Variants in KLF17 observed in about 807,000 individuals in gnomAD.
The protein encoded by KLF17 is KLF transcription factor 17.
In KLF17, 31 loss-of-function variants were observed where a neutral mutation model predicts 34.2. The ratio of observed to expected loss-of-function variants is 0.91; its 90% CI spans 0.68 to 1.22. KLF17 has a LOEUF of 1.22. Ranked by LOEUF, KLF17 falls within the 50% of genes most tolerant of loss-of-function variation. The probability of loss-of-function intolerance (pLI) is 0.00; values close to 1 mark genes in which losing one functional copy is unlikely to be tolerated. For synonymous variants in KLF17, 179 were observed against 186.7 expected (o/e 0.96, Z 0.34); for missense variants, 478 against 505.2 (o/e 0.95, Z 0.52).
the KLF17 span, among the ~76,000 whole-genome samples, chr1:44,066,786 A>G: frequency 6.6e-6 from 1 of 152,212 alleles, no homozygotes; most frequent in African/African-American, 2.4e-5. Context: ...TGGTGACTAC[A>G]GAGTGGATAG....
At chr1:44,113,456 A>C in the KLF17 span, among the ~76,000 whole-genome samples, 1 of 152,204 alleles carries the variant, frequency 6.6e-6, no homozygotes, top group Non-Finnish European at 1.5e-5. Flanking sequence ...CTCTGTACTC[A>C]ATCAGTTCTC....
At chr1:44,060,209 C>T in the KLF17 span, among the ~76,000 whole-genome samples, 2 of 152,140 alleles carry the variant, frequency 1.3e-5, no homozygotes, top group Admixed American at 1.3e-4. Context: ...GTGACTCACA[C>T]TTGTAATCCC....
At chr1:44,098,000 A>T in the KLF17 span, among the ~76,000 whole-genome samples, 1 of 152,106 alleles carries the variant, frequency 6.6e-6, no homozygotes, top group Non-Finnish European at 1.5e-5. Flanking sequence ...TTTGAGACAG[A>T]GTCTCACTCT....
the KLF17 span, among the ~76,000 whole-genome samples, chr1:44,072,003 G>T: frequency 6.6e-6 from 1 of 152,008 alleles, no homozygotes; most frequent in Non-Finnish European, 1.5e-5. Context: ...GGGGGGGACG[G>T]GGGGACAATC....
At chr1:44,052,797 A>C in the KLF17 span, among the ~76,000 whole-genome samples, 4 of 152,196 alleles carry the variant, frequency 2.6e-5, no homozygotes, top group African/African-American at 9.7e-5. Flanking sequence ...AGGCAATTGG[A>C]GTAAATTCAA....
chr1:44,125,563 A>G (rs920353914), intron 1 of KLF17, among the ~76,000 whole-genome samples: 12 of 152,008 alleles, frequency 7.9e-5, no homozygotes, highest in African/African-American at 2.7e-4. Context: ...TGTCTCCTGG[A>G]TTCAAGCAAT....
At chr1:44,097,748 G>A in the KLF17 span, among the ~76,000 whole-genome samples, 41 of 152,156 alleles carry the variant, frequency 2.7e-4, no homozygotes, top group African/African-American at 9.4e-4. Flanking sequence ...TACTGGCTAT[G>A]GGTTTGTCAT....
chr1:44,110,065 C>T, the KLF17 span, among the ~76,000 whole-genome samples: 1 of 151,944 alleles, frequency 6.6e-6, no homozygotes, highest in Non-Finnish European at 1.5e-5. Context: ...TGCCACCACG[C>T]CTGGCTAATT....
the KLF17 span, among the ~76,000 whole-genome samples, chr1:44,099,871 AAGAAAGAAAGAAAGAAAGAAAGAAAG>A: frequency 1.5e-5 from 1 of 65,558 alleles, no homozygotes; most frequent in African/African-American, 4.6e-5. Flanking sequence ...GAAAGAAAGA[AAGAAAGAAAGAAAGAAAGAAAGAAAG>A]AAAGAAAGAA....
the KLF17 span, chr1:44,106,572 C>A: frequency 6.6e-6 from 1 of 152,206 alleles, no homozygotes; most frequent in Non-Finnish European, 1.5e-5. Context: ...TATAGAAATT[C>A]TTCCCCAGAT....
At chr1:44,062,902 A>C in the KLF17 span, among the ~76,000 whole-genome samples, 1 of 152,174 alleles carries the variant, frequency 6.6e-6, no homozygotes, top group Non-Finnish European at 1.5e-5. Context: ...CCTCAACAGA[A>C]ATGAGTGCTT....
chr1:44,073,183 A>C, the KLF17 span, among the ~76,000 whole-genome samples: 1 of 150,536 alleles, frequency 6.6e-6, no homozygotes, highest in Non-Finnish European at 1.5e-5. Context: ...AGTTAGGATC[A>C]TGAGAGGTTT....
intron 1 of KLF17, among the ~76,000 whole-genome samples, chr1:44,119,504 A>T (rs1352831088): frequency 6.6e-6 from 1 of 152,138 alleles, no homozygotes; most frequent in African/African-American, 2.4e-5. Flanking sequence ...CATGAAACAG[A>T]TATATATAAA....
At chr1:44,081,334 T>C in the KLF17 span, among the ~76,000 whole-genome samples, 1 of 152,086 alleles carries the variant, frequency 6.6e-6, no homozygotes, top group Non-Finnish European at 1.5e-5. Flanking sequence ...TAAATCTGTT[T>C]AGTTTAAAGC....
upstream of KLF17, among the ~76,000 whole-genome samples, chr1:44,118,096 G>T (rs2087900082): frequency 6.6e-6 from 1 of 151,968 alleles, no homozygotes; most frequent in South Asian, 2.1e-4. Context: ...TCTTCCTATG[G>T]CTGGCTCCTT....
the KLF17 span, chr1:44,076,856 C>T: frequency 6.7e-6 from 1 of 148,814 alleles, no homozygotes; most frequent in South Asian, 2.1e-4. Context: ...TCCCAAGTAG[C>T]TGGAACTACA....
the KLF17 span, among the ~76,000 whole-genome samples, chr1:44,108,813 A>C: frequency 6.6e-6 from 1 of 151,590 alleles, no homozygotes; most frequent in South Asian, 2.1e-4. Flanking sequence ...TTACAGGTGC[A>C]TACCACCATA....
chr1:44,044,949 A>T, the KLF17 span: 3 of 152,102 alleles, frequency 2.0e-5, no homozygotes, highest in Non-Finnish European at 2.9e-5. Context: ...AGGCCACTTC[A>T]GTCTGATGTC....
chr1:44,102,559 T>TACACATACACACACACACAC, the KLF17 span, among the ~76,000 whole-genome samples: 2 of 87,660 alleles, frequency 2.3e-5, no homozygotes, highest in Non-Finnish European at 4.6e-5. Flanking sequence ...ATCACACACA[T>TACACATACACACACACACAC]ACACATACAC....
Sources: gnomAD v4.1 joint callset for allele counts (sites outside exome capture counted in the v4.1 genomes callset) on GRCh38, gnomAD v4.1.1 for gene constraint, MANE v1.5 for transcripts, NCBI Gene and HGNC (gene_info 2026-07-23, HGNC 2026-07-21) for gene names.